The following TM7SF3 variants were observed in gnomAD, a reference collection of about 807,000 sequenced individuals.
TM7SF3 encodes the protein transmembrane 7 superfamily member 3.
Under a neutral mutation model 65.5 loss-of-function variants are expected in TM7SF3, and 60 were observed. That is an observed-to-expected ratio of 0.92 (90% CI 0.74 to 1.14). The LOEUF (loss-of-function observed/expected upper bound fraction) is 1.14. TM7SF3 is among the 50% of genes most tolerant of loss of function. The pLI is 0.00. For missense variants in TM7SF3, 623 were observed against 684.8 expected, an observed-to-expected ratio of 0.91 and a Z score of 1.01; for synonymous variants, 264 against 259.6, an observed-to-expected ratio of 1.02 and a Z score of -0.16.
intron 6 of TM7SF3, among the ~76,000 whole-genome samples, chr12:26,988,777 A>G (rs142031386): frequency 1.9e-3 from 284 of 151,952 alleles, no homozygotes; most frequent in African/African-American, 6.7e-3. Context: ...CCACTTACAT[A>G]CAGACTTTTT....
At chr12:26,986,149 C>A (rs143319668) in intron 6 of TM7SF3, among the ~76,000 whole-genome samples, 1 of 152,178 alleles carries the variant, frequency 6.6e-6, no homozygotes, top group East Asian at 1.9e-4. Context: ...ATTTCAGTCT[C>A]CTGAACCCCC....
At chr12:27,005,793 T>C (rs1941008642) in intron 1 of TM7SF3, among the ~76,000 whole-genome samples, 1 of 152,078 alleles carries the variant, frequency 6.6e-6, no homozygotes, top group Admixed American at 6.6e-5. Flanking sequence ...TCTTGGAGTA[T>C]ATTTTAACTG....
chr12:26,988,927 T>C (rs1257567931), intron 6 of TM7SF3, among the ~76,000 whole-genome samples: 1 of 152,192 alleles, frequency 6.6e-6, no homozygotes, highest in Admixed American at 6.5e-5. Flanking sequence ...TGAAGGCCTT[T>C]ATGATGATCC....
chr12:27,004,574 T>A (rs1940959628), intron 1 of TM7SF3, among the ~76,000 whole-genome samples: 1 of 148,484 alleles, frequency 6.7e-6, no homozygotes, highest in African/African-American at 2.5e-5. Context: ...TTTTCAACAC[T>A]TTTTTTTTTA....
At chr12:26,984,768 G>T (rs1391188434) in intron 6 of TM7SF3, among the ~76,000 whole-genome samples, 3 of 152,178 alleles carry the variant, frequency 2.0e-5, no homozygotes, top group Non-Finnish European at 4.4e-5. Context: ...GGGTATGGAA[G>T]GTTCCATCAA....
intron 10 of TM7SF3, among the ~76,000 whole-genome samples, chr12:26,976,031 T>A (rs78762480): frequency 2.5e-4 from 38 of 152,282 alleles, no homozygotes; most frequent in African/African-American, 9.1e-4. Context: ...TAAAAGCATA[T>A]TGACTGTGAT....
chr12:27,011,453 A>G (rs902379630), intron 1 of TM7SF3, among the ~76,000 whole-genome samples: 1 of 152,240 alleles, frequency 6.6e-6, no homozygotes, highest in Non-Finnish European at 1.5e-5. Flanking sequence ...CACCCTCCTC[A>G]GACATTCTAG....
At chr12:27,013,263 A>G (rs554464624) in intron 1 of TM7SF3, among the ~76,000 whole-genome samples, 2 of 152,344 alleles carry the variant, frequency 1.3e-5, no homozygotes, top group East Asian at 3.9e-4. Flanking sequence ...TATCTCATAG[A>G]GATCTATTTC....
chr12:27,006,451 A>G (rs1241129970), intron 1 of TM7SF3, among the ~76,000 whole-genome samples: 1 of 152,080 alleles, frequency 6.6e-6, no homozygotes, highest in East Asian at 1.9e-4. Flanking sequence ...CTACATTTTA[A>G]ATGTTTATAA....
chr12:27,000,101 T>C lies in TM7SF3; in HGVS notation c.247-425A>G, dbSNP rs148641616. 7.7e-3 allele frequency among the ~76,000 whole-genome samples: 1,175 copies of C among 152,332 alleles called. 4 individuals are homozygous for C. The highest frequency in any genetic ancestry group is 0.013 in the Non-Finnish European group (858 of 68,028). ...CAAGAAACATATCTGGGGTCCCTTT[T>C]ATAAGGCCACTAATCCCATTCATGA... On this transcript the variant is annotated intron_variant, in intron 2 of 11. Transcript: ENST00000343028.
chr12:26,995,136 G>A (rs1445802720), intron 5 of TM7SF3, 101 bp downstream of exon 5: 3 of 1,221,252 alleles, frequency 2.5e-6, no homozygotes, highest in East Asian at 2.3e-5. Flanking sequence ...CCCCAAAAAG[G>A]AGAAAAGAGT....
chr12:26,974,211 T>A lies in TM7SF3; in HGVS notation c.1467A>T (p.Ala489=), dbSNP rs1273214426. The change falls in exon 12 of 12, where the codon GCA becomes GCT. Residue 489 remains alanine, a synonymous_variant. Coordinates refer to ENST00000343028, the MANE Select transcript of TM7SF3 (RefSeq NM_016551.3). ...CACTTACAGCCAGCATGCCCCATAC[T>A]GCCAGGATAATGAAGTCTAAAAAAC... is the stretch of plus-strand genomic sequence containing the variant. The part of the protein sequence containing the change: ...PFQTNDFIIL[A]VWGMLAVSGI... 1.2e-6 allele frequency: 2 copies of A among 1,614,098 alleles called. No individual in the cohort carries two copies. Among genetic ancestry groups the A allele is most frequent in the South Asian group, 2.2e-5 (2 of 91,080 alleles).
chr12:26,987,801 G>A (rs932682120), intron 6 of TM7SF3, among the ~76,000 whole-genome samples: 12 of 152,070 alleles, frequency 7.9e-5, no homozygotes, highest in Non-Finnish European at 1.8e-4. Context: ...CTTAAAAAAA[G>A]GAACAGTTAC....
intron 1 of TM7SF3, among the ~76,000 whole-genome samples, chr12:27,009,824 A>G (rs1355918415): frequency 3.3e-5 from 5 of 151,402 alleles, no homozygotes; most frequent in Non-Finnish European, 7.4e-5. Context: ...TTGATAAACA[A>G]GCAAAGGATA....
At chr12:26,996,354 G>A (rs1286475433) in intron 4 of TM7SF3, among the ~76,000 whole-genome samples, 1 of 152,104 alleles carries the variant, frequency 6.6e-6, no homozygotes, top group Non-Finnish European at 1.5e-5. Flanking sequence ...GTTCTCAAAT[G>A]TTAGCTATCA....
chr12:26,985,805 C>CGTTTTTTTTTTT (rs1940053457), intron 6 of TM7SF3, among the ~76,000 whole-genome samples: 1 of 72,040 alleles, frequency 1.4e-5, no homozygotes, highest in Non-Finnish European at 2.8e-5. Context: ...ATTTCTTTTT[C>CGTTTTTTTTTTT]GTTTTTTTTT....
intron 7 of TM7SF3, among the ~76,000 whole-genome samples, chr12:26,981,571 T>C (rs1939817982): frequency 1.3e-5 from 2 of 152,160 alleles, no homozygotes; most frequent in Non-Finnish European, 2.9e-5. Flanking sequence ...ACTAAGTTCT[T>C]TGTTACAGAA....
chr12:26,985,621 CAAAAAAAAAAAAAA>C (rs544145636), intron 6 of TM7SF3, among the ~76,000 whole-genome samples: 1,440 of 60,514 alleles, frequency 0.024, 26 homozygotes, highest in South Asian at 0.056. Flanking sequence ...GTGAGACTGT[CAAAAAAAAAAAAAA>C]AAAAAAAAAA....
intron 6 of TM7SF3, among the ~76,000 whole-genome samples, chr12:26,988,491 G>A (rs1940198107): frequency 6.6e-6 from 1 of 152,004 alleles, no homozygotes; most frequent in Non-Finnish European, 1.5e-5. Context: ...ACTTATAAAG[G>A]ACACTATTGG....
Sources: gnomAD v4.1 joint callset for allele counts (sites outside exome capture counted in the v4.1 genomes callset) on GRCh38, gnomAD v4.1.1 for gene constraint, MANE v1.5 for transcripts, NCBI Gene and HGNC (gene_info 2026-07-23, HGNC 2026-07-21) for gene names.